Variants in ANXA2 observed in about 807,000 individuals in gnomAD.
The protein encoded by ANXA2 is annexin II.
In ANXA2, 28 loss-of-function variants were observed where a neutral mutation model predicts 47.3. The observed-to-expected ratio is 0.59, with a 90% CI of 0.44 to 0.81. ANXA2 has a LOEUF of 0.81. Among genes scored for constraint, ANXA2 ranks in the 40% least tolerant of loss-of-function variants. ANXA2 has a pLI of 0.00. For synonymous variants in ANXA2, 172 were observed against 155.5 expected (o/e 1.11, Z -0.79); for missense variants, 384 against 414.3 (o/e 0.93, Z 0.64).
At chr15:60,388,986 T>A (rs1394109140) in intron 1 of ANXA2, among the ~76,000 whole-genome samples, 5 of 152,028 alleles carry the variant, frequency 3.3e-5, no homozygotes, top group Admixed American at 6.6e-5. Flanking sequence ...AATCTCTAAC[T>A]TCAACATGGA....
intron 1 of ANXA2, among the ~76,000 whole-genome samples, chr15:60,394,059 G>C (rs2063049568): frequency 6.6e-6 from 1 of 152,168 alleles, no homozygotes; most frequent in Admixed American, 6.5e-5. Context: ...AAGCCCAGCA[G>C]GTCGCTTCAG....
At chr15:60,355,340 C>G (rs558956065) in intron 7 of ANXA2, 1 of 168,852 alleles carries the variant, frequency 5.9e-6, no homozygotes, top group Admixed American at 5.9e-5. Flanking sequence ...GTGGGCCGGA[C>G]GCACTATCTG....
At chr15:60,360,893 C>A in intron 5 of ANXA2, 48 bp downstream of exon 5, 1 of 1,247,668 alleles carries the variant, frequency 8.0e-7, no homozygotes, top group Non-Finnish European at 1.2e-6. Context: ...CTGTAATTCA[C>A]AAAATTAATA....
At chr15:60,363,710 C>T (rs1170543727) in intron 4 of ANXA2, among the ~76,000 whole-genome samples, 1 of 152,144 alleles carries the variant, frequency 6.6e-6, no homozygotes, top group African/African-American at 2.4e-5. Flanking sequence ...AGGAGCATGG[C>T]ATGTTGAAGA....
intron 3 of ANXA2, among the ~76,000 whole-genome samples, chr15:60,366,994 G>A (rs1595681599): frequency 1.2e-5 from 1 of 82,638 alleles, no homozygotes; most frequent in African/African-American, 5.4e-5. Context: ...CCCCCCGCCC[G>A]GCCAGCCGCC....
intron 1 of ANXA2, 90 bp from the exon 2 acceptor site, chr15:60,386,176 G>T: frequency 1.1e-6 from 1 of 896,078 alleles, no homozygotes; most frequent in Non-Finnish European, 1.8e-6. Flanking sequence ...TCTACTCCTT[G>T]GACCATTTCA....
intron 3 of ANXA2, among the ~76,000 whole-genome samples, chr15:60,377,479 T>C (rs938419734): frequency 2.6e-5 from 4 of 152,180 alleles, no homozygotes; most frequent in Non-Finnish European, 2.9e-5. Flanking sequence ...ATACTACTGG[T>C]TCGGTTCCAG....
At chr15:60,375,678 G>C (rs1375783127) in intron 3 of ANXA2, among the ~76,000 whole-genome samples, 1 of 152,178 alleles carries the variant, frequency 6.6e-6, no homozygotes, top group African/African-American at 2.4e-5. Flanking sequence ...TCTACCTCAG[G>C]ACGGAGCATA....
In ANXA2 at chr15:60,347,502, TG is replaced by T; in HGVS notation, c.*127del. 2.4e-6 allele frequency: 2 copies of T among 818,100 alleles called. No homozygotes were observed. The highest frequency in any genetic ancestry group is 2.0e-6 in the Non-Finnish European group (1 of 496,716). 50.7% of individuals were successfully genotyped at this position (818,100 alleles called of 1,614,324 possible). On this transcript the variant is annotated 3_prime_UTR_variant, in exon 13 of 13. Coordinates refer to ENST00000451270, the MANE Select transcript of ANXA2 (RefSeq NM_004039.3). ...AATGCTTAGGCAACTAAAATGAGGT[TG>T]GGGGTAATGCTAACGTCACCCTCAC...
At chr15:60,393,691 C>G in intron 1 of ANXA2, 1 of 985,356 alleles carries the variant, frequency 1.0e-6, no homozygotes, top group Non-Finnish European at 1.2e-6. Context: ...CCGCCTTTCT[C>G]ACACACCCCT....
intron 4 of ANXA2, among the ~76,000 whole-genome samples, chr15:60,363,923 T>G (rs752314303): frequency 6.6e-6 from 1 of 152,216 alleles, no homozygotes; most frequent in Non-Finnish European, 1.5e-5. Context: ...TGTACAAAAC[T>G]GAGCACAGTG....
intron 1 of ANXA2, among the ~76,000 whole-genome samples, chr15:60,392,732 C>G (rs1001137476): frequency 9.2e-5 from 14 of 152,370 alleles, no homozygotes; most frequent in Admixed American, 2.0e-4. Flanking sequence ...GACACACCCA[C>G]TTCACAGTTT....
At chr15:60,350,141 GGA>G (rs1895939021) in intron 11 of ANXA2, among the ~76,000 whole-genome samples, 1 of 52,164 alleles carries the variant, frequency 1.9e-5, no homozygotes, top group Non-Finnish European at 4.1e-5. Flanking sequence ...GGGAGGGAGG[GGA>G]AGGCAGGGAG....
intron 11 of ANXA2, 131 bp downstream of exon 11, chr15:60,351,062 G>T: frequency 1.2e-6 from 1 of 817,286 alleles, no homozygotes; most frequent in South Asian, 1.5e-5. Context: ...AACCACAGCT[G>T]ACTAGTGTGT....
rs1339079401 is a variant in ANXA2 at position 60,375,158 on chromosome 15, C to T, written c.148+7184G>A. On this transcript the variant is annotated intron_variant, in intron 3 of 12. Coordinates refer to ENST00000451270, the MANE Select transcript of ANXA2 (RefSeq NM_004039.3). ...TTGGCCACAGAAATCTTAAGCAGTTCTATTTTAAAAGTATAAGAAAAAAAT... is the reference window on the plus strand; with the variant it reads ...TTGGCCACAGAAATCTTAAGCAGTTTTATTTTAAAAGTATAAGAAAAAAAT... 2.0e-5 allele frequency among the ~76,000 whole-genome samples: 3 copies of T among 152,154 alleles called. No homozygotes were observed. In the South Asian group the frequency reaches 6.2e-4, roughly 32 times the overall value.
intron 3 of ANXA2, among the ~76,000 whole-genome samples, chr15:60,366,615 A>G (rs2062610999): frequency 1.4e-5 from 2 of 139,934 alleles, no homozygotes; most frequent in African/African-American, 5.5e-5. Flanking sequence ...TCCGGCAACC[A>G]CCCCGTCTGG....
chr15:60,371,430 C>T (rs570769388), intron 3 of ANXA2, among the ~76,000 whole-genome samples: 1 of 152,332 alleles, frequency 6.6e-6, no homozygotes, highest in East Asian at 1.9e-4. Context: ...AAATCAGCCT[C>T]CTGGAGTTTC....
chr15:60,378,526 G>T (rs1056152001), intron 3 of ANXA2, among the ~76,000 whole-genome samples: 2 of 152,102 alleles, frequency 1.3e-5, no homozygotes, highest in Non-Finnish European at 2.9e-5. Context: ...GCTAATATTA[G>T]CACTGAGCTC....
chr15:60,393,036 A>T, intron 1 of ANXA2: 1 of 1,287,486 alleles, frequency 7.8e-7, no homozygotes, highest in Non-Finnish European at 1.0e-6. Context: ...ATTTATCAGA[A>T]CCTTTTTGAA....
Sources: gnomAD v4.1 joint callset for allele counts (sites outside exome capture counted in the v4.1 genomes callset) on GRCh38, gnomAD v4.1.1 for gene constraint, MANE v1.5 for transcripts, NCBI Gene and HGNC (gene_info 2026-07-23, HGNC 2026-07-21) for gene names.